The following CSMD1 variants were observed in gnomAD, a reference collection of about 807,000 sequenced individuals.
CSMD1 encodes the protein CUB and sushi domain-containing protein 1.
In CSMD1, 213 loss-of-function variants were observed where a neutral mutation model predicts 417.5. The observed-to-expected ratio is 0.51, with a 90% CI of 0.46 to 0.57. The LOEUF is 0.57. Ranked by LOEUF, CSMD1 falls within the 20% of genes least tolerant of loss-of-function variation. The pLI is 0.00. For synonymous variants in CSMD1, 2,862 were observed against 1,736.8 expected (o/e 1.65, Z -16.11); for missense variants, 6,923 against 4,529.7 (o/e 1.53, Z -15.17).
intron 7 of CSMD1, among the ~76,000 whole-genome samples, chr8:3,624,711 C>A (rs571755303): frequency 6.6e-6 from 1 of 152,304 alleles, no homozygotes; most frequent in African/African-American, 2.4e-5. Context: ...TGACAGCCCA[C>A]TCTAGGATAT....
chr8:4,834,149 T>C (rs773667727), intron 1 of CSMD1, among the ~76,000 whole-genome samples: 8 of 152,226 alleles, frequency 5.3e-5, no homozygotes, highest in Non-Finnish European at 7.3e-5. Flanking sequence ...ACCTAATTCA[T>C]ACAGATAAAA....
At chr8:3,432,991 A>C (rs1328895393) in intron 12 of CSMD1, among the ~76,000 whole-genome samples, 1 of 152,224 alleles carries the variant, frequency 6.6e-6, no homozygotes, top group African/African-American at 2.4e-5. Flanking sequence ...AGCAGATGGC[A>C]TACAAAATTC....
At chr8:3,154,180 T>C (rs548198369) in intron 39 of CSMD1, among the ~76,000 whole-genome samples, 17 of 152,138 alleles carry the variant, frequency 1.1e-4, no homozygotes, top group African/African-American at 3.1e-4. Flanking sequence ...ACCATGTTGG[T>C]CAGGCTGGTC....
At chr8:3,460,497 CCT>C (rs1366791070) in intron 12 of CSMD1, among the ~76,000 whole-genome samples, 2 of 151,908 alleles carry the variant, frequency 1.3e-5, no homozygotes, top group African/African-American at 4.8e-5. Context: ...TGACTGGACC[CCT>C]GTGTGTGAGC....
At position 3,125,746 on chromosome 8, in the gene CSMD1, G is replaced by T. The variant is rs11993471; in HGVS notation, c.6242-7159C>A. Among the ~76,000 whole-genome samples, 553 of 152,326 alleles carry T rather than the reference G, an allele frequency of 3.6e-3. 4 individuals carry two copies. Among genetic ancestry groups the T allele is most frequent in the African/African-American group, 0.013 (531 of 41,572 alleles). On this transcript the variant is annotated intron_variant, in intron 41 of 69. Coordinates refer to ENST00000635120, the MANE Select transcript of CSMD1 (RefSeq NM_033225.6). The stretch of plus-strand genomic sequence containing the variant: ...AATCCCAGCACTTTGGGAGGCCGAG[G>T]TGGGCAGATTACCTGAGATCAGGAG...
At chr8:4,477,390 T>C (rs1800861410) in intron 2 of CSMD1, among the ~76,000 whole-genome samples, 1 of 152,158 alleles carries the variant, frequency 6.6e-6, no homozygotes, top group African/African-American at 2.4e-5. Context: ...AACGCCTCGA[T>C]CAGTCTCGGG....
intron 3 of CSMD1, among the ~76,000 whole-genome samples, chr8:4,345,663 C>A (rs549912788): frequency 1.3e-5 from 2 of 152,052 alleles, no homozygotes; most frequent in Non-Finnish European, 2.9e-5. Flanking sequence ...CTGGAAGAGA[C>A]CTTTCTCAAG....
At chr8:3,375,496 G>A (rs932885414) in intron 18 of CSMD1, among the ~76,000 whole-genome samples, 2 of 151,934 alleles carry the variant, frequency 1.3e-5, no homozygotes, top group Admixed American at 6.6e-5. Flanking sequence ...AATATTCATA[G>A]ACTCTCCATG....
intron 25 of CSMD1, among the ~76,000 whole-genome samples, chr8:3,305,109 G>A (rs1426512043): frequency 6.6e-6 from 1 of 152,016 alleles, no homozygotes; most frequent in Non-Finnish European, 1.5e-5. Flanking sequence ...TTGACCAACT[G>A]GGCTCAAGAC....
chr8:3,818,650 A>G (rs1801535131), intron 5 of CSMD1, among the ~76,000 whole-genome samples: 1 of 152,202 alleles, frequency 6.6e-6, no homozygotes, highest in South Asian at 2.1e-4. Context: ...GATGCCCGGC[A>G]TCGTCTGATG....
intron 49 of CSMD1, among the ~76,000 whole-genome samples, chr8:3,054,961 T>G (rs890066829): frequency 6.6e-6 from 1 of 152,204 alleles, no homozygotes; most frequent in Non-Finnish European, 1.5e-5. Flanking sequence ...CTCACAATGT[T>G]CCAATATCTA....
chr8:4,312,734 C>T (rs1206504503), intron 3 of CSMD1, among the ~76,000 whole-genome samples: 2 of 151,882 alleles, frequency 1.3e-5, no homozygotes, highest in South Asian at 2.1e-4. Context: ...ATGAGCCAGG[C>T]GTGGTGGCAG....
At chr8:4,634,251 A>C (rs1802701581) in intron 2 of CSMD1, among the ~76,000 whole-genome samples, 1 of 152,142 alleles carries the variant, frequency 6.6e-6, no homozygotes, top group South Asian at 2.1e-4. Context: ...TTAACTCTAA[A>C]TGTTTTTACA....
At chr8:4,943,439 T>G (rs1475706102) in intron 1 of CSMD1, among the ~76,000 whole-genome samples, 1 of 151,352 alleles carries the variant, frequency 6.6e-6, no homozygotes, top group Non-Finnish European at 1.5e-5. Context: ...GAGCTTGCAG[T>G]GAGCTGAGGT....
chr8:4,282,302 G>C (rs1796829232), intron 3 of CSMD1, among the ~76,000 whole-genome samples: 1 of 152,102 alleles, frequency 6.6e-6, no homozygotes, highest in South Asian at 2.1e-4. Flanking sequence ...TGAAGCTCAG[G>C]AACACTGGAG....
In CSMD1 at chr8:3,062,318, C is replaced by T. The variant is rs140047468; in HGVS notation, c.7475-9671G>A. Among the ~76,000 whole-genome samples the T allele has an allele frequency of 5.1e-4, 78 of 152,192 alleles. No homozygotes were observed. The East Asian group carries it at 0.013, about 25-fold the overall frequency. ...TAACAGCAAGAGAGGAGGTGCAGTA[C>T]GGAGCCACCTCTCCACCCACGGGGA... On this transcript the variant is annotated intron_variant, in intron 49 of 69. Transcript: ENST00000635120.
At chr8:3,729,323 G>A (rs527473656) in intron 6 of CSMD1, among the ~76,000 whole-genome samples, 2 of 152,228 alleles carry the variant, frequency 1.3e-5, no homozygotes, top group South Asian at 4.1e-4. Context: ...TCTGAGGGTG[G>A]GCTTCGGAGT....
At chr8:4,962,130 G>A (rs908064170) in intron 1 of CSMD1, among the ~76,000 whole-genome samples, 8 of 145,822 alleles carry the variant, frequency 5.5e-5, no homozygotes, top group African/African-American at 1.8e-4. Context: ...TTTTTGTATT[G>A]GAGGCTTTTA....
intron 11 of CSMD1, among the ~76,000 whole-genome samples, chr8:3,483,493 C>G (rs1284154806): frequency 2.0e-5 from 3 of 151,832 alleles, no homozygotes. Context: ...AACATGTTCA[C>G]CAAAAATAAA....
Sources: gnomAD v4.1 joint callset for allele counts (sites outside exome capture counted in the v4.1 genomes callset) on GRCh38, gnomAD v4.1.1 for gene constraint, MANE v1.5 for transcripts, NCBI Gene and HGNC (gene_info 2026-07-23, HGNC 2026-07-21) for gene names.